The following BICD1 variants were observed in gnomAD, a reference collection of about 807,000 sequenced individuals.
The protein encoded by BICD1 is BICD cargo adaptor 1.
Under a neutral mutation model 92.5 loss-of-function variants are expected in BICD1, and 35 were observed. That is an observed-to-expected ratio of 0.38 (90% confidence interval 0.29 to 0.50). The LOEUF (loss-of-function observed/expected upper bound fraction) is 0.50, where lower values mean the gene tolerates loss of function less well. BICD1 is among the 20% of genes least tolerant of loss of function. The pLI is 0.93. For synonymous variants in BICD1, 429 were observed against 465.1 expected, an observed-to-expected ratio of 0.92 and a Z score of 1.00; for missense variants, 950 against 1,189.8, an observed-to-expected ratio of 0.80 and a Z score of 2.97.
intron 1 of BICD1, among the ~76,000 whole-genome samples, chr12:32,178,352 A>G (rs1390852632): frequency 6.6e-6 from 1 of 151,986 alleles, no homozygotes; most frequent in African/African-American, 2.4e-5. Context: ...TGGTCAGAGT[A>G]TTCTCCAATT....
chr12:32,189,771 T>C (rs1234744397), intron 1 of BICD1, among the ~76,000 whole-genome samples: 1 of 151,294 alleles, frequency 6.6e-6, no homozygotes, highest in Non-Finnish European at 1.5e-5. Flanking sequence ...CAATCTCGGC[T>C]CACTGCAACC....
intron 8 of BICD1, among the ~76,000 whole-genome samples, chr12:32,345,076 C>T (rs1212509367): frequency 6.6e-6 from 1 of 152,014 alleles, no homozygotes; most frequent in Non-Finnish European, 1.5e-5. Flanking sequence ...TGCTTGAGCC[C>T]AGGAGTCCGA....
At chr12:32,295,095 A>G (rs1565648915) in intron 3 of BICD1, among the ~76,000 whole-genome samples, 1 of 116,412 alleles carries the variant, frequency 8.6e-6, no homozygotes, top group East Asian at 3.1e-4. Context: ...AAAAAAAAAA[A>G]AAAAGAAAAA....
intron 1 of BICD1, among the ~76,000 whole-genome samples, chr12:32,121,636 T>G (rs1325577920): frequency 6.7e-6 from 1 of 149,370 alleles, no homozygotes; most frequent in Non-Finnish European, 1.5e-5. Flanking sequence ...ATAAAAGCGC[T>G]GAGGTGGAAG....
intron 7 of BICD1, chr12:32,338,432 T>G: frequency 5.1e-6 from 1 of 196,914 alleles, no homozygotes; most frequent in Non-Finnish European, 1.0e-5. Flanking sequence ...CTTGTAAGGT[T>G]TTTAGGGGCT....
chr12:32,307,015 C>CA lies in BICD1; in HGVS notation c.1005+903dup, dbSNP rs1309311410. Among the ~76,000 whole-genome samples the CA allele has an allele frequency of 2.3e-3, 315 of 136,556 alleles. 3 individuals carry two copies. Among genetic ancestry groups the CA allele is most frequent in the East Asian group, 0.021 (102 of 4,750 alleles). The allele number at this position is 136,556 out of a possible 152,430, so 89.6% of individuals were successfully genotyped here. ...GGGCAACAAGAGTGAAACGTCATCT[C>CA]AAAAAAAAAAGAAAAAGAAAAAAGA... is the stretch of plus-strand genomic sequence containing the variant. On this transcript the variant is annotated intron_variant, in intron 4 of 9. Coordinates refer to ENST00000652176, the MANE Select transcript of BICD1 (RefSeq NM_001714.4).
intron 1 of BICD1, among the ~76,000 whole-genome samples, chr12:32,214,875 GT>G (rs1299120628): frequency 6.6e-6 from 1 of 152,036 alleles, no homozygotes; most frequent in Non-Finnish European, 1.5e-5. Context: ...CGAGAGGTTG[GT>G]TTTAATTATT....
chr12:32,340,682 T>A (rs1938332932), intron 8 of BICD1: 1 of 311,978 alleles, frequency 3.2e-6, no homozygotes, highest in African/African-American at 2.2e-5. Flanking sequence ...CATTACATTG[T>A]TTAAGCCATG....
chr12:32,128,184 G>A (rs12322385), intron 1 of BICD1, among the ~76,000 whole-genome samples: 3,426 of 152,336 alleles, frequency 0.022, 69 homozygotes, highest in African/African-American at 0.048. Context: ...GATCACAGGC[G>A]TGAGCCACCG....
At chr12:32,374,874 A>G (rs1394687340) in intron 9 of BICD1, among the ~76,000 whole-genome samples, 1 of 137,800 alleles carries the variant, frequency 7.3e-6, no homozygotes, top group Non-Finnish European at 1.5e-5. Context: ...GGCGTGAGCC[A>G]CTATGCTTGG....
intron 2 of BICD1, among the ~76,000 whole-genome samples, chr12:32,251,041 T>C (rs1214520754): frequency 1.3e-5 from 2 of 152,162 alleles, no homozygotes; most frequent in Non-Finnish European, 2.9e-5. Flanking sequence ...CTAGTTCTTT[T>C]GAGTGAGTTA....
At chr12:32,245,904 C>T (rs1946369028) in intron 2 of BICD1, among the ~76,000 whole-genome samples, 2 of 151,342 alleles carry the variant, frequency 1.3e-5, no homozygotes, top group Admixed American at 6.6e-5. Context: ...GTGGCGCACA[C>T]CTGTAGTCCC....
chr12:32,145,763 CA>C (rs1466658933), intron 1 of BICD1, among the ~76,000 whole-genome samples: 1 of 152,178 alleles, frequency 6.6e-6, no homozygotes, highest in Non-Finnish European at 1.5e-5. Flanking sequence ...AGGAAAAGGA[CA>C]AAATGCCAGA....
At chr12:32,266,926 A>G (rs1592583474) in intron 2 of BICD1, among the ~76,000 whole-genome samples, 1 of 152,212 alleles carries the variant, frequency 6.6e-6, no homozygotes. Context: ...TTCTAGTAAG[A>G]AACCATTCCT....
chr12:32,132,163 A>C (rs1021329681), intron 1 of BICD1, among the ~76,000 whole-genome samples: 1 of 152,106 alleles, frequency 6.6e-6, no homozygotes, highest in African/African-American at 2.4e-5. Context: ...CACACCTGTA[A>C]TCCCAGCTGT....
intron 1 of BICD1, among the ~76,000 whole-genome samples, chr12:32,207,634 C>T (rs1383521294): frequency 6.6e-6 from 1 of 152,114 alleles, no homozygotes; most frequent in Non-Finnish European, 1.5e-5. Context: ...CTGTGTTTCT[C>T]AAATGGACGG....
rs58895470 is a variant in BICD1, at chr12:32,225,621, G to GTTTTTTTTTTT, written c.426+9172_426+9182dup. Among the ~76,000 whole-genome samples the GTTTTTTTTTTT allele has an allele frequency of 1.1e-3, 100 of 92,782 alleles. 11 individuals are homozygous for GTTTTTTTTTTT. In the East Asian group the frequency reaches 0.03, roughly 27 times the overall value. 60.9% of individuals were successfully genotyped at this position (92,782 alleles called of 152,430 possible). A position where few individuals can be genotyped will look rare whatever the true frequency, so the allele number is the denominator to read the frequency against. Reference sequence around the variant, plus strand: ...TGGTATTTGACAGTTCTTTTTTTCTGTTTTTTTTTTTTTTTTTTTTAGACG... The same window carrying GTTTTTTTTTTT: ...TGGTATTTGACAGTTCTTTTTTTCTGTTTTTTTTTTTTTTTTTTTTTTTTTTTTTTTAGACG... On this transcript the variant is annotated intron_variant, in intron 2 of 9. Coordinates refer to ENST00000652176, the MANE Select transcript of BICD1 (RefSeq NM_001714.4).
intron 1 of BICD1, among the ~76,000 whole-genome samples, chr12:32,183,423 C>T (rs1325557879): frequency 2.6e-5 from 4 of 151,980 alleles, no homozygotes; most frequent in Admixed American, 1.3e-4. Flanking sequence ...CGCGCCATCA[C>T]GCCCAGCTAA....
At chr12:32,293,290 C>A (rs1043079887) in intron 2 of BICD1, among the ~76,000 whole-genome samples, 4 of 152,038 alleles carry the variant, frequency 2.6e-5, no homozygotes, top group African/African-American at 9.7e-5. Flanking sequence ...ACTACATTTC[C>A]ATTTTAGTAC....
Sources: gnomAD v4.1 joint callset for allele counts (sites outside exome capture counted in the v4.1 genomes callset) on GRCh38, gnomAD v4.1.1 for gene constraint, MANE v1.5 for transcripts, NCBI Gene and HGNC (gene_info 2026-07-23, HGNC 2026-07-21) for gene names.